ARHGAP26: variants seen among roughly 807,000 people sequenced by gnomAD.
ARHGAP26 encodes the protein rho GTPase-activating protein 26.
Under a neutral mutation model 104.8 loss-of-function variants are expected in ARHGAP26, and 38 were observed. The observed-to-expected ratio is 0.36, with a 90% CI of 0.28 to 0.48. The LOEUF (loss-of-function observed/expected upper bound fraction) is 0.48, where lower values mean the gene tolerates loss of function less well. Ranked by LOEUF, ARHGAP26 falls within the 20% of genes least tolerant of loss-of-function variation. The pLI, the probability that ARHGAP26 is intolerant of heterozygous loss-of-function variation, is 0.99. For missense variants in ARHGAP26, 704 were observed against 947.9 expected (o/e 0.74, Z 3.38); for synonymous variants, 341 against 340.0 (o/e 1.00, Z -0.03).
chr5:142,913,751 TA>T lies in ARHGAP26; in HGVS notation c.1028+459del, dbSNP rs1468225618. 2.0e-5 allele frequency among the ~76,000 whole-genome samples: 3 copies of T among 152,214 alleles called. No homozygotes were observed. In the East Asian group the frequency reaches 5.8e-4, roughly 29 times the overall value. On this transcript the variant is annotated intron_variant, in intron 10 of 22. Coordinates refer to ENST00000645722, the MANE Select transcript of ARHGAP26 (RefSeq NM_001135608.3). ...TTTTCTCAAATAAAAAAACAGCTTTTAGTTACATTTCACCTACCAGTGTGTG... is the reference window on the plus strand; with the variant it reads ...TTTTCTCAAATAAAAAAACAGCTTTTGTTACATTTCACCTACCAGTGTGTG...
chr5:142,791,495 G>C (rs1274926580), intron 1 of ARHGAP26, among the ~76,000 whole-genome samples: 1 of 152,120 alleles, frequency 6.6e-6, no homozygotes, highest in Non-Finnish European at 1.5e-5. Flanking sequence ...GCTTGGCTGG[G>C]CCAGTTGACT....
intron 10 of ARHGAP26, among the ~76,000 whole-genome samples, chr5:142,921,317 A>G (rs532289791): frequency 2.4e-4 from 37 of 152,376 alleles, no homozygotes; most frequent in African/African-American, 8.9e-4. Context: ...CAGAGGCAGA[A>G]GAACATTTTA....
intron 11 of ARHGAP26, among the ~76,000 whole-genome samples, chr5:142,996,973 C>A (rs966570582): frequency 1.3e-5 from 2 of 152,114 alleles, no homozygotes; most frequent in Non-Finnish European, 2.9e-5. Context: ...TTAGTACAAC[C>A]ATTCAAAACC....
At chr5:143,219,870 A>G (rs1410264795) in intron 22 of ARHGAP26, among the ~76,000 whole-genome samples, 1 of 152,228 alleles carries the variant, frequency 6.6e-6, no homozygotes, top group Non-Finnish European at 1.5e-5. Flanking sequence ...GGTCTGGCAC[A>G]TGCTTTCGTA....
intron 1 of ARHGAP26, among the ~76,000 whole-genome samples, chr5:142,773,901 AAAG>A (rs1358339505): frequency 6.6e-6 from 1 of 152,208 alleles, no homozygotes; most frequent in Non-Finnish European, 1.5e-5. Flanking sequence ...GCAAGAGTAA[AAAG>A]GTCAGCACTG....
At chr5:142,971,560 T>A (rs1772276451) in intron 11 of ARHGAP26, among the ~76,000 whole-genome samples, 1 of 152,160 alleles carries the variant, frequency 6.6e-6, no homozygotes, top group South Asian at 2.1e-4. Context: ...CTTCTGGTAG[T>A]GCTAGACTAC....
intron 1 of ARHGAP26, among the ~76,000 whole-genome samples, chr5:142,806,477 G>A (rs1597703481): frequency 1.1e-5 from 1 of 89,900 alleles, no homozygotes; most frequent in African/African-American, 8.5e-5. Context: ...AATGAAATGT[G>A]TGTGTGTGTG....
intron 11 of ARHGAP26, among the ~76,000 whole-genome samples, chr5:142,983,498 G>C (rs989062172): frequency 6.6e-6 from 1 of 152,170 alleles, no homozygotes; most frequent in Non-Finnish European, 1.5e-5. Context: ...GAGCCTCCAC[G>C]ACCAGCCTGG....
intron 20 of ARHGAP26, chr5:143,202,106 G>A (rs1807836066): frequency 6.6e-6 from 1 of 152,078 alleles, no homozygotes; most frequent in African/African-American, 2.4e-5. Flanking sequence ...TCCTGTATTA[G>A]GTACATATAT....
At chr5:142,816,555 G>T (rs925807503) in intron 1 of ARHGAP26, among the ~76,000 whole-genome samples, 1 of 152,238 alleles carries the variant, frequency 6.6e-6, no homozygotes, top group Non-Finnish European at 1.5e-5. Flanking sequence ...CTTGGAGAAA[G>T]AGGAGTTGAG....
chr5:143,120,975 T>C lies in ARHGAP26; in HGVS notation c.1539-13T>C, dbSNP rs1796060974. 6 of 1,609,894 alleles carry C rather than the reference T, an allele frequency of 3.7e-6. No individual in the cohort carries two copies. Among genetic ancestry groups the C allele is most frequent in the Non-Finnish European group, 5.1e-6 (6 of 1,177,572 alleles). ...TTTGTCTCATTGGTACCTTTTCTTT[T>C]CCTTCCTCCCAGTGTTGCTAACAAC... On this transcript the variant is annotated splice_polypyrimidine_tract_variant and intron_variant, in intron 17 of 22. Transcript: ENST00000645722.
intron 9 of ARHGAP26, among the ~76,000 whole-genome samples, chr5:142,911,121 AC>A (rs1651252171): frequency 6.6e-6 from 1 of 152,146 alleles, no homozygotes; most frequent in African/African-American, 2.4e-5. Flanking sequence ...CCTGTGTGTG[AC>A]GGAAGAATTT....
At chr5:143,071,136 GAA>G (rs1173330534) in intron 17 of ARHGAP26, among the ~76,000 whole-genome samples, 1 of 151,918 alleles carries the variant, frequency 6.6e-6, no homozygotes, top group Non-Finnish European at 1.5e-5. Flanking sequence ...CAATGGAACA[GAA>G]TAGAGAACCC....
intron 1 of ARHGAP26, among the ~76,000 whole-genome samples, chr5:142,831,293 C>G (rs1768376269): frequency 1.3e-5 from 2 of 152,184 alleles, no homozygotes; most frequent in Non-Finnish European, 2.9e-5. Flanking sequence ...GGAAACAGTT[C>G]TTCTCTGGGT....
chr5:143,071,627 C>T (rs886341818), intron 17 of ARHGAP26, among the ~76,000 whole-genome samples: 2 of 152,092 alleles, frequency 1.3e-5, no homozygotes, highest in Admixed American at 1.3e-4. Flanking sequence ...ATAAATGTGG[C>T]CCAGGAGTGG....
At chr5:142,984,015 G>C (rs561177980) in intron 11 of ARHGAP26, among the ~76,000 whole-genome samples, 1 of 152,264 alleles carries the variant, frequency 6.6e-6, no homozygotes, top group Non-Finnish European at 1.5e-5. Flanking sequence ...GGACAAATAG[G>C]GTGGCTCTGT....
chr5:143,015,023 CCCT>C (rs969159397), intron 12 of ARHGAP26, among the ~76,000 whole-genome samples: 5 of 152,022 alleles, frequency 3.3e-5, no homozygotes, highest in African/African-American at 9.7e-5. Context: ...ATTTTTCCCC[CCCT>C]TTCTTTCTCT....
chr5:142,841,501 C>T (rs1770792356), intron 1 of ARHGAP26, among the ~76,000 whole-genome samples: 2 of 152,222 alleles, frequency 1.3e-5, no homozygotes, highest in African/African-American at 4.8e-5. Flanking sequence ...GGAGCCTTCA[C>T]ATTGAATAAG....
chr5:143,119,252 T>C (rs750311642), intron 17 of ARHGAP26, among the ~76,000 whole-genome samples: 12 of 152,202 alleles, frequency 7.9e-5, no homozygotes, highest in Admixed American at 6.5e-5. Flanking sequence ...ATTTTTATAT[T>C]GGTCTACAAT....
Sources: allele counts gnomAD v4.1 joint callset (sites outside exome capture counted in the v4.1 genomes callset), GRCh38; gene constraint gnomAD v4.1.1; transcripts MANE v1.5; gene names NCBI Gene and HGNC (gene_info 2026-07-23, HGNC 2026-07-21).